BTBD9: variants seen among roughly 807,000 people sequenced by gnomAD.
The protein encoded by BTBD9 is BTB/POZ domain-containing protein 9.
A neutral mutation model predicts 64.3 loss-of-function variants in BTBD9; 49 were observed. The ratio of observed to expected loss-of-function variants is 0.76; its 90% CI spans 0.61 to 0.97. The LOEUF (loss-of-function observed/expected upper bound fraction) is 0.97, where lower values mean the gene tolerates loss of function less well. Ranked by LOEUF, BTBD9 falls within the 50% of genes least tolerant of loss-of-function variation. BTBD9 has a pLI of 0.00. For synonymous variants in BTBD9, 260 were observed against 274.7 expected (o/e 0.95, Z 0.53); for missense variants, 598 against 762.1 (o/e 0.78, Z 2.53).
intron 1 of BTBD9, among the ~76,000 whole-genome samples, chr6:38,603,883 T>A (rs773991533): frequency 3.3e-5 from 5 of 152,240 alleles, no homozygotes; most frequent in Non-Finnish European, 7.3e-5. Context: ...CCATGTGCTG[T>A]GTAATTTGAA....
chr6:38,616,687 C>T (rs747886810), intron 1 of BTBD9, among the ~76,000 whole-genome samples: 10 of 151,976 alleles, frequency 6.6e-5, no homozygotes, highest in Non-Finnish European at 1.3e-4. Flanking sequence ...CTGAAAAGAG[C>T]GCGCTTTGAT....
At chr6:38,554,169 A>C (rs2127450288) in intron 6 of BTBD9, among the ~76,000 whole-genome samples, 1 of 152,308 alleles carries the variant, frequency 6.6e-6, no homozygotes, top group East Asian at 1.9e-4. Flanking sequence ...TTTGCCATAA[A>C]ATAGAGAAGA....
At position 38,171,871 on chromosome 6, in the gene BTBD9, AAAAAAAAAAAATAATAATAATAAT is replaced by A. The variant is rs1561821767; in HGVS notation, c.*3090_*3113del. 3 of 115,998 alleles carry A rather than the reference AAAAAAAAAAAATAATAATAATAAT, an allele frequency of 2.6e-5. No individual in the cohort carries two copies. In the East Asian group the frequency reaches 7.0e-4, roughly 27 times the overall value. The allele number at this position is 115,998 out of a possible 1,614,324, so 7.2% of individuals were successfully genotyped here. Reference sequence around the variant, plus strand: ...CAAAAAAAAAAAAAAAAAAAAAAAAAAAAAAAAAAAATAATAATAATAATAATAATAATAATAATGAAAAGTGAA... The same window carrying A: ...CAAAAAAAAAAAAAAAAAAAAAAAAAAATAATAATAATAATGAAAAGTGAA... On this transcript the variant is annotated 3_prime_UTR_variant, in exon 11 of 11. Coordinates refer to ENST00000481247, the MANE Select transcript of BTBD9 (RefSeq NM_001099272.2).
Position 38,276,895 on chromosome 6 carries a change from T to C in BTBD9, c.1454+11377A>G, listed in dbSNP as rs76323730. Among the ~76,000 whole-genome samples the C allele has an allele frequency of 4.7e-3, 721 of 152,326 alleles. 3 individuals carry two copies. Among genetic ancestry groups the C allele is most frequent in the Non-Finnish European group, 8.9e-3 (606 of 68,036 alleles). On this transcript the variant is annotated intron_variant, in intron 8 of 10. Coordinates refer to ENST00000481247, the MANE Select transcript of BTBD9 (RefSeq NM_001099272.2). ...TAATTAATCTGTCACTACAAAATAA[T>C]GTAGGTATGCCGTAAAATTTCTGAT...
rs1762911923 is a variant in BTBD9 at position 38,213,710 on chromosome 6, G to A, written c.1563-21113C>T. On this transcript the variant is annotated intron_variant, in intron 9 of 10. Coordinates refer to ENST00000481247, the MANE Select transcript of BTBD9 (RefSeq NM_001099272.2). ...AAATAAAAAAATCATGGCTGGGCGT[G>A]GTGGCTCACGCCTGTAATCCCAGCA... 1.3e-5 allele frequency among the ~76,000 whole-genome samples: 2 copies of A among 152,196 alleles called. 1 individual carries two copies. Among genetic ancestry groups the A allele is most frequent in the Admixed American group, 1.3e-4 (2 of 15,284 alleles).
chr6:38,292,638 A>G (rs138254935), intron 7 of BTBD9, among the ~76,000 whole-genome samples: 12 of 152,046 alleles, frequency 7.9e-5, no homozygotes, highest in African/African-American at 2.7e-4. Flanking sequence ...ATGGTAGTTT[A>G]TATTTCTGTG....
chr6:38,250,915 C>G (rs1393765515), intron 9 of BTBD9, among the ~76,000 whole-genome samples: 1 of 151,970 alleles, frequency 6.6e-6, no homozygotes, highest in African/African-American at 2.4e-5. Context: ...TGAAACCCCT[C>G]TACTAAAACT....
rs550968838 is a variant in BTBD9 at position 38,400,633 on chromosome 6, C to T, written c.1155-55540G>A. ...TTGCACCCTTATCCTTTTTCATTCA[C>T]TCCAATCATCACTCCCTAGGATACC... On this transcript the variant is annotated intron_variant, in intron 6 of 10. Transcript: ENST00000481247. Among the ~76,000 whole-genome samples, 12 of 152,266 alleles carry T rather than the reference C, an allele frequency of 7.9e-5. 1 individual carries two copies. In the South Asian group the frequency reaches 2.5e-3, roughly 32 times the overall value.
chr6:38,385,755 T>A (rs1384196170), intron 6 of BTBD9, among the ~76,000 whole-genome samples: 1 of 151,078 alleles, frequency 6.6e-6, no homozygotes, highest in Non-Finnish European at 1.5e-5. Flanking sequence ...AAAAATTTTT[T>A]AAAAACAAGC....
chr6:38,348,292 C>T (rs1298487336), intron 6 of BTBD9, among the ~76,000 whole-genome samples: 1 of 152,174 alleles, frequency 6.6e-6, no homozygotes, highest in African/African-American at 2.4e-5. Context: ...GTAGGTATCA[C>T]ATTTTCTCTG....
chr6:38,529,397 C>T (rs1773674858), intron 6 of BTBD9, among the ~76,000 whole-genome samples: 1 of 152,194 alleles, frequency 6.6e-6, no homozygotes, highest in Non-Finnish European at 1.5e-5. Context: ...GGGGTGCCCC[C>T]TAAAGCAGAT....
At chr6:38,392,662 T>C (rs552310057) in intron 6 of BTBD9, among the ~76,000 whole-genome samples, 3 of 152,160 alleles carry the variant, frequency 2.0e-5, no homozygotes, top group Admixed American at 6.5e-5. Flanking sequence ...CAACAACACG[T>C]AGCAAGAAAG....
chr6:38,282,478 A>C (rs1186506169), intron 8 of BTBD9, among the ~76,000 whole-genome samples: 1 of 152,220 alleles, frequency 6.6e-6, no homozygotes, highest in Non-Finnish European at 1.5e-5. Flanking sequence ...AAGGAAGGTC[A>C]GGAGCAGACA....
chr6:38,544,622 G>A (rs770445650), intron 6 of BTBD9, among the ~76,000 whole-genome samples: 6 of 151,994 alleles, frequency 3.9e-5, no homozygotes, highest in Non-Finnish European at 7.4e-5. Context: ...AGGCCAATGC[G>A]GTTGAAGAGT....
At chr6:38,219,020 T>C (rs1479146851) in intron 9 of BTBD9, among the ~76,000 whole-genome samples, 1 of 152,098 alleles carries the variant, frequency 6.6e-6, no homozygotes, top group Non-Finnish European at 1.5e-5. Context: ...GCTCTTTGTA[T>C]AGGGTCTAGC....
At chr6:38,371,995 TAAC>T (rs1765447409) in intron 6 of BTBD9, among the ~76,000 whole-genome samples, 1 of 152,094 alleles carries the variant, frequency 6.6e-6, no homozygotes, top group African/African-American at 2.4e-5. Context: ...ACCCACAGAG[TAAC>T]AACTATAACA....
chr6:38,517,166 A>G (rs1773068311), intron 6 of BTBD9, among the ~76,000 whole-genome samples: 1 of 152,170 alleles, frequency 6.6e-6, no homozygotes, highest in Admixed American at 6.6e-5. Flanking sequence ...AGCAACCAAG[A>G]TGATCTGTGA....
At chr6:38,556,336 A>C (rs1035781431) in intron 6 of BTBD9, among the ~76,000 whole-genome samples, 1 of 152,192 alleles carries the variant, frequency 6.6e-6, no homozygotes, top group Admixed American at 6.5e-5. Context: ...CCATTCACTA[A>C]CTATAACAGC....
In BTBD9 at chr6:38,227,230, G is replaced by A. The variant is rs1763428808; in HGVS notation, c.1562+29179C>T. Among the ~76,000 whole-genome samples the A allele has an allele frequency of 2.0e-5, 3 of 152,198 alleles. No individual in the cohort carries two copies. In the South Asian group the frequency reaches 6.2e-4, roughly 32 times the overall value. ...AGTTTTCTGAGGATTCTGGGATTCT[G>A]ATTTGCTTCCAAATGAGACCACTTT... On this transcript the variant is annotated intron_variant, in intron 9 of 10. Transcript: ENST00000481247.
Sources: allele counts gnomAD v4.1 joint callset (sites outside exome capture counted in the v4.1 genomes callset), GRCh38; gene constraint gnomAD v4.1.1; transcripts MANE v1.5; gene names NCBI Gene and HGNC (gene_info 2026-07-23, HGNC 2026-07-21).